The following SASH1 variants were observed in gnomAD, a reference collection of about 807,000 sequenced individuals.
SASH1 encodes SAM and SH3 domain containing 1.
A neutral mutation model predicts 125.2 loss-of-function variants in SASH1; 44 were observed. That is an observed-to-expected ratio of 0.35 (90% CI 0.28 to 0.45). The LOEUF (loss-of-function observed/expected upper bound fraction) is 0.45, where lower values mean the gene tolerates loss of function less well. Among genes scored for constraint, SASH1 ranks in the 20% least tolerant of loss-of-function variants. The probability of loss-of-function intolerance (pLI) is 1.00; values close to 1 mark genes in which losing one functional copy is unlikely to be tolerated. For missense variants in SASH1, 1,426 were observed against 1,614.5 expected (o/e 0.88, Z 2.00); for synonymous variants, 639 against 649.1 (o/e 0.98, Z 0.24).
chr6:148,405,141 A>G (rs1583099009), intron 2 of SASH1, among the ~76,000 whole-genome samples: 6 of 150,892 alleles, frequency 4.0e-5, no homozygotes, highest in Admixed American at 4.0e-4. Context: ...TCCTCTTCCT[A>G]CTCCACACCC....
At chr6:148,407,076 A>ATATGTATATGTATATATGTATAT (rs1271874189) in intron 2 of SASH1, among the ~76,000 whole-genome samples, 227 of 152,352 alleles carry the variant, frequency 1.5e-3, no homozygotes, top group African/African-American at 5.1e-3. Flanking sequence ...AAAAAATTAT[A>ATATGTATATGTATATATGTATAT]GTAAAATATA....
chr6:148,378,191 A>G (rs1212536169), intron 1 of SASH1, among the ~76,000 whole-genome samples: 1 of 150,824 alleles, frequency 6.6e-6, no homozygotes, highest in Non-Finnish European at 1.5e-5. Context: ...AGCTGGGATT[A>G]CAGGCATGCG....
intron 1 of SASH1, among the ~76,000 whole-genome samples, chr6:148,362,126 T>G (rs7751482): frequency 2.7e-4 from 41 of 150,842 alleles, no homozygotes; most frequent in Admixed American, 4.6e-4. Context: ...ACGGGGTTTC[T>G]CCGTGTTAGC....
Position 148,495,006 on chromosome 6 carries a change from A to G in SASH1, c.729+7291A>G, listed in dbSNP as rs979176078. ...GGCCAGGTTTTACTTAGAGTTTTCA[A>G]TGTCCTTTCACCAGCCTCAATAACA... is the stretch of plus-strand genomic sequence containing the variant. On this transcript the variant is annotated intron_variant, in intron 8 of 19. Transcript: ENST00000367467. The surrounding 1 kb of genome is among the most constrained non-coding windows in gnomAD (Gnocchi z 4.0). 6.6e-6 allele frequency among the ~76,000 whole-genome samples: 1 copy of G among 152,228 alleles called. No individual in the cohort carries two copies. Among genetic ancestry groups the G allele is most frequent in the Non-Finnish European group, 1.5e-5 (1 of 68,044 alleles).
chr6:148,526,609 A>AT (rs893733654), intron 11 of SASH1, among the ~76,000 whole-genome samples: 49 of 152,148 alleles, frequency 3.2e-4, no homozygotes, highest in Admixed American at 8.5e-4. Flanking sequence ...AGAAAATATG[A>AT]TTTTTTTCTT....
intron 1 of SASH1, among the ~76,000 whole-genome samples, chr6:148,387,612 CTTT>C (rs1783475728): frequency 1.1e-4 from 2 of 18,732 alleles, no homozygotes; most frequent in African/African-American, 2.5e-4. Context: ...TTCTTTCTTT[CTTT>C]CTTTCTTTCT....
At chr6:148,414,851 C>G (rs1373214678) in intron 2 of SASH1, among the ~76,000 whole-genome samples, 1 of 151,970 alleles carries the variant, frequency 6.6e-6, no homozygotes, top group East Asian at 1.9e-4. Flanking sequence ...AGTTTCTTGG[C>G]CAGGCTGGTC....
Position 148,416,753 on chromosome 6 carries a change from G to A in SASH1, c.286-23431G>A, listed in dbSNP as rs141550600. 3.4e-3 allele frequency among the ~76,000 whole-genome samples: 524 copies of A among 152,264 alleles called. 3 individuals are homozygous for A. Among genetic ancestry groups the A allele is most frequent in the African/African-American group, 0.011 (465 of 41,550 alleles). ...TAACCCAGGATCTGCCCTGGAACAC[G>A]GGGAATCATTAAGTGAGATTCATTA... On this transcript the variant is annotated intron_variant, in intron 2 of 19. Transcript: ENST00000367467.
At chr6:148,266,021 A>G in the SASH1 span, among the ~76,000 whole-genome samples, 1 of 151,320 alleles carries the variant, frequency 6.6e-6, no homozygotes. Context: ...TGCCCAGGCT[A>G]GAGTGCAATG....
the SASH1 span, among the ~76,000 whole-genome samples, chr6:148,194,496 G>A: frequency 6.6e-6 from 1 of 152,238 alleles, no homozygotes; most frequent in Non-Finnish European, 1.5e-5. Context: ...TGGCAACGAT[G>A]TGACTCATCT....
intron 1 of SASH1, among the ~76,000 whole-genome samples, chr6:148,386,097 G>C (rs1240285087): frequency 6.6e-6 from 1 of 152,128 alleles, no homozygotes; most frequent in Middle Eastern, 3.2e-3. Context: ...ATTTGAACTG[G>C]AAAACACCCA....
chr6:148,246,675 G>T, the SASH1 span, among the ~76,000 whole-genome samples: 1 of 152,298 alleles, frequency 6.6e-6, no homozygotes, highest in South Asian at 2.1e-4. Context: ...ATCAACCACA[G>T]TCAGGTTCAT....
chr6:148,446,103 T>TCTTTTTTTTC (rs1776762276), intron 4 of SASH1, among the ~76,000 whole-genome samples: 2 of 20,688 alleles, frequency 9.7e-5, no homozygotes, highest in African/African-American at 5.3e-4. Flanking sequence ...TTTTTTTTTT[T>TCTTTTTTTTC]TTTTTTTTTT....
chr6:148,284,863 C>A (rs1025944832), intron 1 of SASH1, among the ~76,000 whole-genome samples: 19 of 152,180 alleles, frequency 1.2e-4, no homozygotes, highest in African/African-American at 4.3e-4. Flanking sequence ...GATAGAGTCC[C>A]AATAGAAATG....
At chr6:148,542,765 T>G (rs1782300471) in intron 17 of SASH1, among the ~76,000 whole-genome samples, 1 of 152,198 alleles carries the variant, frequency 6.6e-6, no homozygotes, top group South Asian at 2.1e-4. Context: ...GCATAGCATG[T>G]TGGTGTTTAT....
chr6:148,384,341 A>G (rs1182332614), intron 1 of SASH1, among the ~76,000 whole-genome samples: 1 of 152,238 alleles, frequency 6.6e-6, no homozygotes, highest in African/African-American at 2.4e-5. Flanking sequence ...GAGGCAAGCA[A>G]TAAACTCCAG....
At chr6:148,363,302 T>A (rs1308223814) in intron 1 of SASH1, among the ~76,000 whole-genome samples, 1 of 151,948 alleles carries the variant, frequency 6.6e-6, no homozygotes, top group Admixed American at 6.6e-5. Flanking sequence ...TTCTTTATTT[T>A]TTTTATTTAT....
At chr6:148,507,266 G>C (rs1779850724) in intron 8 of SASH1, among the ~76,000 whole-genome samples, 1 of 152,190 alleles carries the variant, frequency 6.6e-6, no homozygotes, top group Non-Finnish European at 1.5e-5. Context: ...CGAGGAAAAG[G>C]GGATGGAGCT....
chr6:148,550,314 T>C lies in SASH1; in HGVS notation c.*1756T>C, dbSNP rs1320428460. Reference sequence around the variant, plus strand: ...AAACACCTTGACCACAAGCCCTTGATTGAACATTTTATAATATTTCATCTA... The same window carrying C: ...AAACACCTTGACCACAAGCCCTTGACTGAACATTTTATAATATTTCATCTA... On this transcript the variant is annotated 3_prime_UTR_variant, in exon 20 of 20. Transcript: ENST00000367467. The C allele has an allele frequency of 6.6e-6, 1 of 152,242 alleles. No individual in the cohort carries two copies. Among genetic ancestry groups the C allele is most frequent in the African/African-American group, 2.4e-5 (1 of 41,462 alleles). The allele number at this position is 152,242 out of a possible 1,614,324, so 9.4% of individuals were successfully genotyped here.
Sources: gnomAD v4.1 joint callset for allele counts (sites outside exome capture counted in the v4.1 genomes callset) on GRCh38, gnomAD v4.1.1 for gene constraint, Gnocchi (gnomAD v3.1) non-coding constraint, MANE v1.5 for transcripts, NCBI Gene and HGNC (gene_info 2026-07-23, HGNC 2026-07-21) for gene names.